Variants in CNGB3 observed in about 807,000 individuals in gnomAD.
The protein encoded by CNGB3 is cyclic nucleotide-gated channel beta-3.
In CNGB3, 86 loss-of-function variants were observed where a neutral mutation model predicts 92.8. The observed-to-expected ratio is 0.93, with a 90% CI of 0.78 to 1.11. The LOEUF (loss-of-function observed/expected upper bound fraction) is 1.11. CNGB3 is among the 50% of genes least tolerant of loss of function. The pLI is 0.00. For synonymous variants in CNGB3, 333 were observed against 332.7 expected, an observed-to-expected ratio of 1.00 and a Z score of -0.01; for missense variants, 1,026 against 956.8, an observed-to-expected ratio of 1.07 and a Z score of -0.95.
chr8:86,624,726 C>A (rs1822810952), intron 13 of CNGB3, among the ~76,000 whole-genome samples: 1 of 152,192 alleles, frequency 6.6e-6, no homozygotes, highest in African/African-American at 2.4e-5. Flanking sequence ...ATCAGAGAGG[C>A]CTTTCTTGCC....
At chr8:86,658,930 C>T in intron 6 of CNGB3, 1 of 1,027,286 alleles carries the variant, frequency 9.7e-7, no homozygotes, top group Non-Finnish European at 1.5e-6. Context: ...AGCCTCTCCT[C>T]CTGCTCTCGG....
intron 3 of CNGB3, among the ~76,000 whole-genome samples, chr8:86,689,222 C>T (rs1824250564): frequency 6.6e-6 from 1 of 151,610 alleles, no homozygotes. Flanking sequence ...GAGAATGATC[C>T]ATTTGCTGAG....
intron 15 of CNGB3, chr8:86,593,637 T>C (rs1178178762): frequency 2.1e-6 from 1 of 485,040 alleles, no homozygotes; most frequent in Non-Finnish European, 3.8e-6. Context: ...GCGAGTGGGG[T>C]TCCCCACTGA....
intron 13 of CNGB3, among the ~76,000 whole-genome samples, chr8:86,621,601 T>C (rs938391727): frequency 9.9e-5 from 15 of 152,258 alleles, no homozygotes; most frequent in African/African-American, 3.4e-4. Context: ...GTGTATACAC[T>C]ATACCCATTG....
chr8:86,647,933 T>G, intron 7 of CNGB3, 46 bp from the exon 8 acceptor site: 1 of 1,094,552 alleles, frequency 9.1e-7, no homozygotes, highest in Non-Finnish European at 1.4e-6. Flanking sequence ...TACATGCCTT[T>G]CTGGGAATGG....
chr8:86,640,317 C>T (rs1373237313), intron 10 of CNGB3, among the ~76,000 whole-genome samples: 2 of 152,048 alleles, frequency 1.3e-5, no homozygotes, highest in African/African-American at 4.8e-5. Flanking sequence ...TTGGACTAAA[C>T]TCTTGCACTA....
chr8:86,637,440 G>A lies in CNGB3; in HGVS notation c.1179-4547C>T, dbSNP rs78158368. Among the ~76,000 whole-genome samples the A allele has an allele frequency of 9.1e-3, 1,383 of 152,014 alleles. 21 individuals are homozygous for A. Among genetic ancestry groups the A allele is most frequent in the African/African-American group, 0.03 (1,225 of 41,478 alleles). On this transcript the variant is annotated intron_variant, in intron 10 of 17. Coordinates refer to ENST00000320005, the MANE Select transcript of CNGB3 (RefSeq NM_019098.5). ...TTGCTCAAAATTACTTTAGCTATTC[G>A]GGGTCTTTTGTGGTTCCATACAAAT...
intron 15 of CNGB3, among the ~76,000 whole-genome samples, chr8:86,603,262 C>A (rs1822344380): frequency 6.6e-6 from 1 of 152,112 alleles, no homozygotes; most frequent in Non-Finnish European, 1.5e-5. Flanking sequence ...CTGTTAGGGG[C>A]CATATCTTGT....
At chr8:86,649,459 C>G (rs762748261) in intron 7 of CNGB3, among the ~76,000 whole-genome samples, 2 of 151,528 alleles carry the variant, frequency 1.3e-5, no homozygotes, top group Middle Eastern at 6.8e-3. Context: ...GTACATAGAC[C>G]AAAGGAACAG....
intron 3 of CNGB3, among the ~76,000 whole-genome samples, chr8:86,694,056 G>A (rs1287883844): frequency 9.1e-6 from 1 of 110,020 alleles, no homozygotes; most frequent in African/African-American, 3.7e-5. Flanking sequence ...CCCGGACGGG[G>A]CGGCTGGCCG....
chr8:86,697,108 G>A (rs1221767039), intron 3 of CNGB3, among the ~76,000 whole-genome samples: 5 of 152,140 alleles, frequency 3.3e-5, no homozygotes, highest in African/African-American at 4.8e-5. Context: ...CTGGCAAGAT[G>A]AAGTCCTTAC....
chr8:86,711,519 T>A (rs1296318959), intron 3 of CNGB3, among the ~76,000 whole-genome samples: 1 of 152,158 alleles, frequency 6.6e-6, no homozygotes, highest in East Asian at 1.9e-4. Context: ...TTCTGTCAGC[T>A]CTGGTTTTCT....
intron 15 of CNGB3, among the ~76,000 whole-genome samples, chr8:86,598,005 TA>T (rs67041167): frequency 0.17 from 25,699 of 151,118 alleles, 2,906 homozygotes; most frequent in African/African-American, 0.33. Context: ...TAAAATAAAA[TA>T]AAATTAAAAT....
chr8:86,662,077 G>T (rs1823652596), intron 6 of CNGB3, among the ~76,000 whole-genome samples: 1 of 152,112 alleles, frequency 6.6e-6, no homozygotes, highest in South Asian at 2.1e-4. Context: ...TGCCGCCGCC[G>T]CCAACTCAGT....
At chr8:86,644,324 G>C (rs1360167815) in intron 9 of CNGB3, among the ~76,000 whole-genome samples, 1 of 151,418 alleles carries the variant, frequency 6.6e-6, no homozygotes, top group Non-Finnish European at 1.5e-5. Flanking sequence ...GAATTATCAT[G>C]AGAAAGGTTT....
intron 15 of CNGB3, among the ~76,000 whole-genome samples, chr8:86,597,621 C>T (rs1310477152): frequency 1.3e-5 from 2 of 152,042 alleles, no homozygotes; most frequent in Non-Finnish European, 2.9e-5. Flanking sequence ...GTGCAAAAAA[C>T]TCCCTGTGAC....
chr8:86,584,369 T>C (rs1013003441), intron 15 of CNGB3, among the ~76,000 whole-genome samples: 4 of 152,194 alleles, frequency 2.6e-5, no homozygotes, highest in African/African-American at 9.7e-5. Flanking sequence ...CCTGAGAATA[T>C]CTGTATATGT....
chr8:86,737,794 A>C (rs187656433), intron 2 of CNGB3, among the ~76,000 whole-genome samples: 1 of 152,290 alleles, frequency 6.6e-6, no homozygotes, highest in Non-Finnish European at 1.5e-5. Flanking sequence ...ATGTGTACTT[A>C]ATGTTTAGCT....
intron 2 of CNGB3, among the ~76,000 whole-genome samples, chr8:86,739,352 T>A (rs943560718): frequency 5.3e-5 from 8 of 152,210 alleles, no homozygotes; most frequent in African/African-American, 1.9e-4. Context: ...TATGATGTGT[T>A]TCTTTAGACT....
Sources: allele counts gnomAD v4.1 joint callset (sites outside exome capture counted in the v4.1 genomes callset), GRCh38; gene constraint gnomAD v4.1.1; transcripts MANE v1.5; gene names NCBI Gene and HGNC (gene_info 2026-07-23, HGNC 2026-07-21).